The following HBA2 variants were observed in gnomAD, a reference collection of about 807,000 sequenced individuals.
The protein encoded by HBA2 is hemoglobin subunit alpha 2, also known as hemoglobin subunit alpha.
In HBA2, 9 loss-of-function variants were observed where a neutral mutation model predicts 5.6. The observed-to-expected ratio is 1.60, with a 90% confidence interval of 0.97 to 2.80. The LOEUF is 2.80. HBA2 is among the 30% of genes most tolerant of loss of function. The probability of loss-of-function intolerance (pLI) is 0.00; values close to 1 mark genes in which losing one functional copy is unlikely to be tolerated. For missense variants in HBA2, 86 were observed against 152.1 expected (o/e 0.57, Z 2.29); for synonymous variants, 38 against 73.4 (o/e 0.52, Z 2.47).
Position 173,625 on chromosome 16 carries a change from C to T in HBA2, c.*25C>T, listed in dbSNP as rs1462495649. The T allele has an allele frequency of 6.2e-7, 1 of 1,608,442 alleles. No individual in the cohort carries two copies. The highest frequency in any genetic ancestry group is 2.2e-5 in the East Asian group (1 of 44,838). ...AGCTGGAGCCTCGGTAGCCGTTCCTCCTGCCCGCTGGGCCTCCCAACGGGC... is the reference window on the plus strand; with the variant it reads ...AGCTGGAGCCTCGGTAGCCGTTCCTTCTGCCCGCTGGGCCTCCCAACGGGC... On this transcript the variant is annotated 3_prime_UTR_variant, in exon 3 of 3. Transcript: ENST00000251595.
rs267607269 is a variant in HBA2 at position 173,515 on chromosome 16, C to T, written c.344C>T (p.Pro115Leu). ...CLLVTLAAHL[P>L]AEFTPAVHAS... ...CTGGTGACCCTGGCCGCCCACCTCC[C>T]CGCCGAGTTCACCCCTGCGGTGCAC... Residue 115 changes from proline to leucine, a missense_variant, in exon 3 of 3, where the codon CCC becomes CTC. Pro to Leu is a moderately conservative substitution (Grantham distance 98). Transcript: ENST00000251595. 6.2e-7 allele frequency: 1 copy of T among 1,606,938 alleles called. No homozygotes were observed. Among genetic ancestry groups the T allele is most frequent in the Non-Finnish European group, 8.5e-7 (1 of 1,179,816 alleles).
Position 173,699 on chromosome 16 carries a change from G to T in HBA2, c.*99G>T, listed in dbSNP as rs1301271303. 8.0e-6 allele frequency: 12 copies of T among 1,492,354 alleles called. 1 individual carries two copies. The Admixed American group carries it at 2.2e-4, about 27-fold the overall frequency. The allele number at this position is 1,492,354 out of a possible 1,614,324, so 92.4% of individuals were successfully genotyped here. A position where few individuals can be genotyped will look rare whatever the true frequency, so the allele number is the denominator to read the frequency against. On this transcript the variant is annotated 3_prime_UTR_variant, in exon 3 of 3. Transcript: ENST00000251595. ...CCTTCCTGGTCTTTGAATAAAGTCTGAGTGGGCAGCAGCCTGTGTGTGCCT... is the reference window on the plus strand; with the variant it reads ...CCTTCCTGGTCTTTGAATAAAGTCTTAGTGGGCAGCAGCCTGTGTGTGCCT...
In HBA2 at chr16:173,452, T is replaced by C; in HGVS notation, c.301-20T>C. ...CGGCGGCTGCGGGCCTGGGCCGCAC[T>C]GACCCTCTTCTCTGCACAGCTCCTA... On this transcript the variant is annotated intron_variant, in intron 2 of 2. Coordinates refer to ENST00000251595, the MANE Select transcript of HBA2 (RefSeq NM_000517.6). The C allele has an allele frequency of 6.2e-7, 1 of 1,604,526 alleles. No homozygotes were observed. Among genetic ancestry groups the C allele is most frequent in the Non-Finnish European group, 8.5e-7 (1 of 1,179,764 alleles).
chr16:173,612 G>C lies in HBA2; in HGVS notation c.*12G>C, dbSNP rs1336978136. 3.1e-6 allele frequency: 5 copies of C among 1,608,298 alleles called. No homozygotes were observed. In the African/African-American group the frequency reaches 5.6e-5, roughly 18 times the overall value. The stretch of plus-strand genomic sequence containing the variant: ...CCAAATACCGTTAAGCTGGAGCCTC[G>C]GTAGCCGTTCCTCCTGCCCGCTGGG... On this transcript the variant is annotated 3_prime_UTR_variant, in exon 3 of 3. Transcript: ENST00000251595.
At position 173,596 on chromosome 16, in the gene HBA2, G is replaced by A. The variant is rs63751282; in HGVS notation, c.425G>A (p.Arg142His). The A allele has an allele frequency of 1.2e-6, 2 of 1,608,254 alleles. No homozygotes were observed. The highest frequency in any genetic ancestry group is 1.7e-5 in the Admixed American group (1 of 59,850). The change falls in exon 3 of 3, where the codon CGT (arginine) becomes CAT (histidine). Residue 142 changes from arginine to histidine, a missense_variant. Coordinates refer to ENST00000251595, the MANE Select transcript of HBA2 (RefSeq NM_000517.6). Reference sequence around the variant, plus strand: ...AGCACCGTGCTGACCTCCAAATACCGTTAAGCTGGAGCCTCGGTAGCCGTT... The same window carrying A: ...AGCACCGTGCTGACCTCCAAATACCATTAAGCTGGAGCCTCGGTAGCCGTT... The part of the protein sequence containing the change: ...SVSTVLTSKY[R>H]
At position 173,479 on chromosome 16, in the gene HBA2, G is replaced by A; in HGVS notation, c.308G>A (p.Ser103Asn). ...ACCCTCTTCTCTGCACAGCTCCTAA[G>A]CCACTGCCTGCTGGTGACCCTGGCC... ...RVDPVNFKLL[S>N]HCLLVTLAAH... Residue 103 changes from serine to asparagine, a missense_variant, in exon 3 of 3, where the codon AGC becomes AAC. Ser to Asn is a conservative substitution (Grantham distance 46). Transcript: ENST00000251595. The A allele has an allele frequency of 1.2e-6, 2 of 1,605,896 alleles. No homozygotes were observed. Among genetic ancestry groups the A allele is most frequent in the Non-Finnish European group, 1.7e-6 (2 of 1,179,868 alleles).
Position 173,670 on chromosome 16 carries a change from C to T in HBA2, c.*70C>T. The T allele has an allele frequency of 6.3e-7, 1 of 1,587,180 alleles. No individual in the cohort carries two copies. Among genetic ancestry groups the T allele is most frequent in the Middle Eastern group, 1.7e-4 (1 of 5,920 alleles). On this transcript the variant is annotated 3_prime_UTR_variant, in exon 3 of 3. Coordinates refer to ENST00000251595, the MANE Select transcript of HBA2 (RefSeq NM_000517.6). The stretch of plus-strand genomic sequence containing the variant: ...ACGGGCCCTCCTCCCCTCCTTGCAC[C>T]GGCCCTTCCTGGTCTTTGAATAAAG...
In HBA2 at chr16:173,317, G is replaced by A. The variant is rs1190647717; in HGVS notation, c.288G>A (p.Pro96=). The A allele has an allele frequency of 5.8e-6, 9 of 1,558,392 alleles. No homozygotes were observed. The highest frequency in any genetic ancestry group is 7.8e-6 in the Non-Finnish European group (9 of 1,157,992). Residue 96 remains proline (P), a synonymous_variant, in exon 2 of 3, where the codon CCG becomes CCA. Transcript: ENST00000251595. ...DLHAHKLRVD[P]VNFKLLSHCL... ...ACGCGCACAAGCTTCGGGTGGACCC[G>A]GTCAACTTCAAGGTGAGCGGCGGGC...
chr16:173,517 G>A lies in HBA2; in HGVS notation c.346G>A (p.Ala116Thr), dbSNP rs1396354516. 2 of 1,606,572 alleles carry A rather than the reference G, an allele frequency of 1.2e-6. No individual in the cohort carries two copies. The highest frequency in any genetic ancestry group is 1.7e-6 in the Non-Finnish European group (2 of 1,179,756). The change falls in exon 3 of 3, where the codon GCC becomes ACC. Residue 116 changes from alanine (A) to threonine (T), a missense_variant. Around this residue, in one of 3 missense-constraint regions of HBA2, gnomAD observed 44 missense variants for 54.8 expected, o/e 0.80. Transcript: ENST00000251595. ...LLVTLAAHLP[A>T]EFTPAVHASL... ...GGTGACCCTGGCCGCCCACCTCCCC[G>A]CCGAGTTCACCCCTGCGGTGCACGC...
chr16:173,612 G>T lies in HBA2; in HGVS notation c.*12G>T, dbSNP rs1336978136. The T allele has an allele frequency of 6.2e-7, 1 of 1,608,298 alleles. No homozygotes were observed. Among genetic ancestry groups the T allele is most frequent in the Non-Finnish European group, 8.5e-7 (1 of 1,179,916 alleles). On this transcript the variant is annotated 3_prime_UTR_variant, in exon 3 of 3. Transcript: ENST00000251595. ...CCAAATACCGTTAAGCTGGAGCCTCGGTAGCCGTTCCTCCTGCCCGCTGGG... is the reference window on the plus strand; with the variant it reads ...CCAAATACCGTTAAGCTGGAGCCTCTGTAGCCGTTCCTCCTGCCCGCTGGG...
rs1467646050 is a variant in HBA2, at chr16:173,117, C to A, written c.96-8C>A. On this transcript the variant is annotated splice_region_variant and splice_polypyrimidine_tract_variant and intron_variant, in intron 1 of 2. Transcript: ENST00000251595. ...AAACCCCACCCCTCACTCTGCTTCTCCCCGCAGGATGTTCCTGTCCTTCCC... is the reference window on the plus strand; with the variant it reads ...AAACCCCACCCCTCACTCTGCTTCTACCCGCAGGATGTTCCTGTCCTTCCC... The A allele has an allele frequency of 1.3e-5, 8 of 635,400 alleles. 1 individual carries two copies. The highest frequency in any genetic ancestry group is 2.9e-5 in the East Asian group (1 of 34,638). 39.4% of individuals were successfully genotyped at this position (635,400 alleles called of 1,614,324 possible).
In HBA2 at chr16:173,001, T is replaced by C. The variant is rs41341344; in HGVS notation, c.89T>C (p.Leu30Pro). The change falls in exon 1 of 3, where the codon CTG (leucine) becomes CCG (proline). Residue 30 changes from leucine to proline, a missense_variant. Leu to Pro is a moderately conservative substitution (Grantham distance 98). Coordinates refer to ENST00000251595, the MANE Select transcript of HBA2 (RefSeq NM_000517.6). ...GCTGGCGAGTATGGTGCGGAGGCCC[T>C]GGAGAGGTGAGGCTCCCTCCCCTGC... ...AHAGEYGAEA[L>P]ERMFLSFPTT... 1 of 446,884 alleles carries C rather than the reference T, an allele frequency of 2.2e-6. No homozygotes were observed. The highest frequency in any genetic ancestry group is 3.8e-6 in the Non-Finnish European group (1 of 266,142). 27.7% of individuals were successfully genotyped at this position (446,884 alleles called of 1,614,324 possible).
At position 173,698 on chromosome 16, in the gene HBA2, T is replaced by C. The variant is rs1455865276; in HGVS notation, c.*98T>C. On this transcript the variant is annotated 3_prime_UTR_variant, in exon 3 of 3. Transcript: ENST00000251595. ...CCCTTCCTGGTCTTTGAATAAAGTC[T>C]GAGTGGGCAGCAGCCTGTGTGTGCC... 28 of 1,508,844 alleles carry C rather than the reference T, an allele frequency of 1.9e-5. 1 individual carries two copies. The East Asian group carries it at 2.1e-4, about 11-fold the overall frequency. The allele number at this position is 1,508,844 out of a possible 1,614,324, so 93.5% of individuals were successfully genotyped here.
rs1357452894 is a variant in HBA2 at position 173,643 on chromosome 16, C to A, written c.*43C>A. The A allele has an allele frequency of 6.2e-7, 1 of 1,606,390 alleles. No individual in the cohort carries two copies. The highest frequency in any genetic ancestry group is 8.5e-7 in the Non-Finnish European group (1 of 1,178,750). ...CGTTCCTCCTGCCCGCTGGGCCTCC[C>A]AACGGGCCCTCCTCCCCTCCTTGCA... is the stretch of plus-strand genomic sequence containing the variant. On this transcript the variant is annotated 3_prime_UTR_variant, in exon 3 of 3. Coordinates refer to ENST00000251595, the MANE Select transcript of HBA2 (RefSeq NM_000517.6).
At position 173,671 on chromosome 16, in the gene HBA2, G is replaced by A. The variant is rs1902067974; in HGVS notation, c.*71G>A. 5 of 1,582,010 alleles carry A rather than the reference G, an allele frequency of 3.2e-6. 1 individual carries two copies. Among genetic ancestry groups the A allele is most frequent in the East Asian group, 4.5e-5 (2 of 44,428 alleles). On this transcript the variant is annotated 3_prime_UTR_variant, in exon 3 of 3. Coordinates refer to ENST00000251595, the MANE Select transcript of HBA2 (RefSeq NM_000517.6). ...CGGGCCCTCCTCCCCTCCTTGCACC[G>A]GCCCTTCCTGGTCTTTGAATAAAGT...
chr16:173,704 G>C lies in HBA2; in HGVS notation c.*104G>C. 1 of 1,480,272 alleles carries C rather than the reference G, an allele frequency of 6.8e-7. No individual in the cohort carries two copies. The highest frequency in any genetic ancestry group is 1.2e-5 in the South Asian group (1 of 83,326). 91.7% of individuals were successfully genotyped at this position (1,480,272 alleles called of 1,614,324 possible). ...CTGGTCTTTGAATAAAGTCTGAGTG[G>C]GCAGCAGCCTGTGTGTGCCTGGGTT... On this transcript the variant is annotated 3_prime_UTR_variant, in exon 3 of 3. Coordinates refer to ENST00000251595, the MANE Select transcript of HBA2 (RefSeq NM_000517.6).
chr16:173,666 G>T lies in HBA2; in HGVS notation c.*66G>T, dbSNP rs1902067919. On this transcript the variant is annotated 3_prime_UTR_variant, in exon 3 of 3. Coordinates refer to ENST00000251595, the MANE Select transcript of HBA2 (RefSeq NM_000517.6). ...CCCAACGGGCCCTCCTCCCCTCCTT[G>T]CACCGGCCCTTCCTGGTCTTTGAAT... 2.5e-6 allele frequency: 4 copies of T among 1,592,042 alleles called. No individual in the cohort carries two copies. The highest frequency in any genetic ancestry group is 3.4e-6 in the Non-Finnish European group (4 of 1,169,210).
chr16:173,652 C>G lies in HBA2; in HGVS notation c.*52C>G. ...TGCCCGCTGGGCCTCCCAACGGGCCCTCCTCCCCTCCTTGCACCGGCCCTT... is the reference window on the plus strand; with the variant it reads ...TGCCCGCTGGGCCTCCCAACGGGCCGTCCTCCCCTCCTTGCACCGGCCCTT... On this transcript the variant is annotated 3_prime_UTR_variant, in exon 3 of 3. Coordinates refer to ENST00000251595, the MANE Select transcript of HBA2 (RefSeq NM_000517.6). 2 of 1,602,452 alleles carry G rather than the reference C, an allele frequency of 1.2e-6. No homozygotes were observed. The highest frequency in any genetic ancestry group is 8.5e-7 in the Non-Finnish European group (1 of 1,176,402).
In HBA2 at chr16:173,265, A is replaced by G; in HGVS notation, c.236A>G (p.Asn79Ser). 6.7e-7 allele frequency: 1 copy of G among 1,492,404 alleles called. No homozygotes were observed. The highest frequency in any genetic ancestry group is 2.4e-5 in the East Asian group (1 of 41,606). 92.4% of individuals were successfully genotyped at this position (1,492,404 alleles called of 1,614,324 possible). Residue 79 changes from asparagine to serine, a missense_variant, in exon 2 of 3, where the codon AAC (asparagine) becomes AGC (serine). Coordinates refer to ENST00000251595, the MANE Select transcript of HBA2 (RefSeq NM_000517.6). The stretch of plus-strand genomic sequence containing the variant: ...GTGGCGCACGTGGACGACATGCCCA[A>G]CGCGCTGTCCGCCCTGAGCGACCTG... ...NAVAHVDDMPNALSALSDLHA... is the reference protein window; with the variant it reads ...NAVAHVDDMPSALSALSDLHA...
Sources: gnomAD v4.1 joint callset for allele counts on GRCh38, gnomAD v4.1.1 for gene constraint, gnomAD v4.1.1 regional missense constraint, MANE v1.5 for transcripts, NCBI Gene and HGNC (gene_info 2026-07-23, HGNC 2026-07-21) for gene names.